The following RPS6KA3 variants were observed in gnomAD, a reference collection of about 807,000 sequenced individuals.
RPS6KA3 encodes the protein ribosomal protein S6 kinase alpha-3.
RPS6KA3 carries 4 observed loss-of-function variants against 67.2 expected under a neutral mutation model. The ratio of observed to expected loss-of-function variants is 0.06; its 90% CI spans 0.03 to 0.14. The LOEUF (loss-of-function observed/expected upper bound fraction) is 0.14, where lower values mean the gene tolerates loss of function less well. RPS6KA3 is among the 10% of genes least tolerant of loss of function. The pLI is 1.00. For missense variants in RPS6KA3, 204 were observed against 559.0 expected, an observed-to-expected ratio of 0.36 and a Z score of 6.40; for synonymous variants, 182 against 183.7, an observed-to-expected ratio of 0.99 and a Z score of 0.07.
intron 1 of RPS6KA3, chrX:20,265,439 G>C (rs767290478): frequency 1.8e-5 from 2 of 112,352 alleles, no homozygotes; most frequent in African/African-American, 3.3e-5. Flanking sequence ...CCACTCATCA[G>C]AGCCTGCCCC....
At chrX:20,263,170 A>T (rs2070281215) in intron 1 of RPS6KA3, among the ~76,000 whole-genome samples, 1 of 111,935 alleles carries the variant, frequency 8.9e-6, no homozygotes, top group Non-Finnish European at 1.9e-5. Flanking sequence ...CCATAATTTT[A>T]TCATTTTGAA....
intron 1 of RPS6KA3, among the ~76,000 whole-genome samples, chrX:20,263,745 A>C (rs1045094720): frequency 1.3e-4 from 15 of 111,963 alleles, no homozygotes; most frequent in South Asian, 7.4e-4. Flanking sequence ...CCTGACTTTC[A>C]TGATTCATTC....
At position 20,152,604 on chromosome X, in the gene RPS6KA3, T is replaced by C. The variant is rs1348148993; in HGVS notation, c.*2794A>G. On this transcript the variant is annotated 3_prime_UTR_variant, in exon 22 of 22. Transcript: ENST00000379565. The stretch of plus-strand genomic sequence containing the variant: ...ACCACAACTGTAGGGGCCTGAATAA[T>C]TGATGTTGAGAAATTAATGGAAAAG... 2.7e-5 allele frequency: 3 copies of C among 112,104 alleles called. No homozygotes were observed. Among genetic ancestry groups the C allele is most frequent in the South Asian group, 3.7e-4 (1 of 2,723 alleles). 9.2% of individuals were successfully genotyped at this position (112,104 alleles called of 1,213,427 possible).
intron 4 of RPS6KA3, 172 bp downstream of exon 4, chrX:20,203,850 A>G: frequency 2.2e-6 from 1 of 463,568 alleles, no homozygotes; most frequent in Non-Finnish European, 3.8e-6. Context: ...CTCACTAGTT[A>G]TATGATTCCT....
chrX:20,210,398 T>C (rs1569237793), intron 2 of RPS6KA3, among the ~76,000 whole-genome samples: 1 of 112,140 alleles, frequency 8.9e-6, no homozygotes, highest in Non-Finnish European at 1.9e-5. Flanking sequence ...GTTAGTAGAA[T>C]CTCAATGTGT....
chrX:20,203,813 G>A (rs899152853), intron 4 of RPS6KA3: 5 of 377,169 alleles, frequency 1.3e-5, no homozygotes, highest in South Asian at 5.9e-5. Flanking sequence ...TTTATAATAC[G>A]TCTTTTATAA....
chrX:20,219,643 C>T (rs1440505335), intron 2 of RPS6KA3, among the ~76,000 whole-genome samples: 1 of 111,401 alleles, frequency 9.0e-6, no homozygotes, highest in Non-Finnish European at 1.9e-5. Context: ...AAATGAAACA[C>T]TTAAGAAGCC....
intron 16 of RPS6KA3, 114 bp downstream of exon 16, chrX:20,169,288 C>T: frequency 1.7e-6 from 1 of 580,123 alleles, no homozygotes; most frequent in East Asian, 3.3e-5. Context: ...GCGTGGGCCA[C>T]TGTGCCCAGC....
intron 1 of RPS6KA3, 51 bp downstream of exon 1, chrX:20,266,513 C>T: frequency 9.8e-7 from 1 of 1,021,884 alleles, no homozygotes. Flanking sequence ...AGCGAGCCGG[C>T]GGGGGCGCGA....
intron 10 of RPS6KA3, among the ~76,000 whole-genome samples, 170 bp downstream of exon 10, chrX:20,186,126 G>A (rs2067974872): frequency 9.0e-6 from 1 of 110,982 alleles, no homozygotes; most frequent in Non-Finnish European, 1.9e-5. Context: ...ATTTTTAGTA[G>A]AGATGGGGTT....
At chrX:20,257,043 G>A (rs1238087900) in intron 1 of RPS6KA3, among the ~76,000 whole-genome samples, 2 of 112,040 alleles carry the variant, frequency 1.8e-5, no homozygotes, top group African/African-American at 6.5e-5. Flanking sequence ...TTTGAATTCT[G>A]GCTCCTTCAG....
At chrX:20,201,976 C>CTTTTTTTTT (rs1282039865) in intron 4 of RPS6KA3, among the ~76,000 whole-genome samples, 7 of 82,753 alleles carry the variant, frequency 8.5e-5, no homozygotes, top group East Asian at 3.7e-4. Flanking sequence ...TTTCTTTTTT[C>CTTTTTTTTT]TTTTTTTTTT....
chrX:20,170,223 A>T (rs2067539599), intron 15 of RPS6KA3, among the ~76,000 whole-genome samples: 1 of 112,084 alleles, frequency 8.9e-6, no homozygotes, highest in South Asian at 3.7e-4. Flanking sequence ...AAAAAAGACA[A>T]ATTTTGCTTT....
Position 20,152,086 on chromosome X carries a change from A to G in RPS6KA3, c.*3312T>C. On this transcript the variant is annotated 3_prime_UTR_variant, in exon 22 of 22. Transcript: ENST00000379565. ...ATGTGAAATGTGGAAACTCTACAGC[A>G]TACACACCACAGCTTCTCTCCAGAC... The G allele has an allele frequency of 8.9e-6, 1 of 112,222 alleles. No homozygotes were observed. Among genetic ancestry groups the G allele is most frequent in the African/African-American group, 3.2e-5 (1 of 30,831 alleles). 9.2% of individuals were successfully genotyped at this position (112,222 alleles called of 1,213,427 possible). A position where few individuals can be genotyped will look rare whatever the true frequency, so the allele number is the denominator to read the frequency against.
At chrX:20,203,955 T>C (rs1219248741) in intron 4 of RPS6KA3, 67 bp downstream of exon 4, 9 of 779,095 alleles carry the variant, frequency 1.2e-5, no homozygotes, top group Non-Finnish European at 1.8e-5. Flanking sequence ...AGGAGTCCCA[T>C]GAGCTCTATT....
At chrX:20,234,920 CT>C in intron 1 of RPS6KA3, 106 bp from the exon 2 acceptor site, 2 of 572,733 alleles carry the variant, frequency 3.5e-6, no homozygotes, top group Non-Finnish European at 3.0e-6. Context: ...ATTTTCACCC[CT>C]AAAGGGCTCT....
intron 1 of RPS6KA3, among the ~76,000 whole-genome samples, chrX:20,253,204 G>A (rs1006822494): frequency 9.4e-6 from 1 of 106,515 alleles, no homozygotes; most frequent in East Asian, 3.0e-4. Flanking sequence ...CACTGGGTTG[G>A]GGAGTGAGAG....
rs757733976 is a variant in RPS6KA3 at position 20,167,571 on chromosome X, A to G, written c.1602+18T>C. The G allele has an allele frequency of 1.7e-6, 2 of 1,193,934 alleles. No homozygotes were observed. Among genetic ancestry groups the G allele is most frequent in the East Asian group, 5.9e-5 (2 of 33,750 alleles). ...AAAAAGTGTGTGTATGTACATATAG[A>G]GTGGTAAAAAGACTTACCCCTTGTG... On this transcript the variant is annotated intron_variant, in intron 17 of 21. Transcript: ENST00000379565.
intron 20 of RPS6KA3, among the ~76,000 whole-genome samples, chrX:20,161,364 G>A (rs1372233999): frequency 9.0e-6 from 1 of 111,681 alleles, no homozygotes; most frequent in Non-Finnish European, 1.9e-5. Context: ...AGTGGCATGT[G>A]AGGCACACAA....
Sources: allele counts gnomAD v4.1 joint callset (sites outside exome capture counted in the v4.1 genomes callset), GRCh38; gene constraint gnomAD v4.1.1; transcripts MANE v1.5; gene names NCBI Gene and HGNC (gene_info 2026-07-23, HGNC 2026-07-21).